Variants in TAFA1 observed in about 807,000 individuals in gnomAD.
TAFA1 encodes TAFA chemokine like family member 1.
A neutral mutation model predicts 18.5 loss-of-function variants in TAFA1; 4 were observed. The ratio of observed to expected loss-of-function variants is 0.22; its 90% confidence interval spans 0.11 to 0.49. The LOEUF (loss-of-function observed/expected upper bound fraction) is 0.49. Among genes scored for constraint, TAFA1 ranks in the 20% least tolerant of loss-of-function variants. TAFA1 has a pLI of 0.98. For synonymous variants in TAFA1, 56 were observed against 55.2 expected (o/e 1.01, Z -0.06); for missense variants, 147 against 169.0 (o/e 0.87, Z 0.72).
At chr3:68,499,343 C>T (rs2072613229) in intron 3 of TAFA1, among the ~76,000 whole-genome samples, 1 of 151,258 alleles carries the variant, frequency 6.6e-6, no homozygotes, top group South Asian at 2.1e-4. Context: ...GCAGACTGAA[C>T]CAAACCTTGA....
chr3:68,398,497 G>A (rs771413180), intron 2 of TAFA1, among the ~76,000 whole-genome samples: 1 of 152,104 alleles, frequency 6.6e-6, no homozygotes. Flanking sequence ...CACAAATACT[G>A]TCTGGAGCTA....
At position 68,367,360 on chromosome 3, in the gene TAFA1, T is replaced by C. The variant is rs574703893; in HGVS notation, c.119-49920T>C. Among the ~76,000 whole-genome samples, 44 of 152,302 alleles carry C rather than the reference T, an allele frequency of 2.9e-4. No homozygotes were observed. In the South Asian group the frequency reaches 8.9e-3, roughly 31 times the overall value. ...TGCCTTATAAAATGTGAAAGATCTC[T>C]TTAGGCTTTAATAATCTTGCAGTGG... On this transcript the variant is annotated intron_variant, in intron 2 of 4. Coordinates refer to ENST00000478136, the MANE Select transcript of TAFA1 (RefSeq NM_213609.4).
chr3:68,353,939 A>T (rs1355791281), intron 2 of TAFA1, among the ~76,000 whole-genome samples: 1 of 151,968 alleles, frequency 6.6e-6, no homozygotes, highest in African/African-American at 2.4e-5. Context: ...ACTTTAAGCA[A>T]ATTGTTTTTG....
At chr3:68,051,833 G>T in intron 2 of TAFA1, among the ~76,000 whole-genome samples, 1 of 151,950 alleles carries the variant, frequency 6.6e-6, no homozygotes, top group East Asian at 1.9e-4. Flanking sequence ...AATACACCAG[G>T]TAGCTAGCTG....
chr3:68,379,921 C>G (rs1175094429), intron 2 of TAFA1, among the ~76,000 whole-genome samples: 1 of 151,916 alleles, frequency 6.6e-6, no homozygotes, highest in African/African-American at 2.4e-5. Context: ...TCCCCTTCCC[C>G]CCACCCCACA....
intron 2 of TAFA1, among the ~76,000 whole-genome samples, chr3:68,208,168 G>A (rs1378969640): frequency 6.6e-6 from 1 of 151,858 alleles, no homozygotes; most frequent in African/African-American, 2.4e-5. Flanking sequence ...ATGGACGTTT[G>A]GAAGCTATTC....
chr3:68,509,576 T>C (rs1331640608), intron 3 of TAFA1, among the ~76,000 whole-genome samples: 1 of 152,118 alleles, frequency 6.6e-6, no homozygotes, highest in East Asian at 1.9e-4. Flanking sequence ...CAAGGACTAG[T>C]AGAAGCCATG....
intron 2 of TAFA1, among the ~76,000 whole-genome samples, chr3:68,161,612 T>A (rs2065925636): frequency 6.6e-6 from 1 of 152,208 alleles, no homozygotes; most frequent in Non-Finnish European, 1.5e-5. Flanking sequence ...ATCTTTAAGG[T>A]AGGCAGGATA....
chr3:68,122,467 A>G (rs1302297367), intron 2 of TAFA1, among the ~76,000 whole-genome samples: 10 of 152,218 alleles, frequency 6.6e-5, no homozygotes, highest in Non-Finnish European at 1.5e-5. Context: ...ATCGCAAATG[A>G]AGACAATAGA....
At chr3:68,150,935 C>T (rs531681823) in intron 2 of TAFA1, among the ~76,000 whole-genome samples, 10 of 152,090 alleles carry the variant, frequency 6.6e-5, no homozygotes, top group Non-Finnish European at 1.2e-4. Flanking sequence ...TTTGTTGAGT[C>T]CTCAACACAA....
At chr3:68,157,144 C>T (rs1307252665) in intron 2 of TAFA1, among the ~76,000 whole-genome samples, 1 of 152,134 alleles carries the variant, frequency 6.6e-6, no homozygotes, top group Non-Finnish European at 1.5e-5. Context: ...GCTGGGAAAG[C>T]TATTATTATT....
intron 2 of TAFA1, among the ~76,000 whole-genome samples, chr3:68,315,926 C>A (rs919861861): frequency 3.3e-5 from 5 of 152,128 alleles, no homozygotes; most frequent in Non-Finnish European, 7.3e-5. Context: ...CGATGAAATT[C>A]ACCTGAGGTC....
At chr3:68,427,050 G>A (rs992130057) in intron 3 of TAFA1, among the ~76,000 whole-genome samples, 38 of 151,980 alleles carry the variant, frequency 2.5e-4, no homozygotes, top group African/African-American at 9.2e-4. Flanking sequence ...TGTATGTCAT[G>A]TGTGTGAGAG....
intron 2 of TAFA1, among the ~76,000 whole-genome samples, chr3:68,308,625 G>A (rs2068462160): frequency 6.6e-6 from 1 of 152,112 alleles, no homozygotes; most frequent in Non-Finnish European, 1.5e-5. Context: ...CAACAATAAT[G>A]AGGTTGTTTT....
intron 2 of TAFA1, among the ~76,000 whole-genome samples, chr3:68,334,891 T>A (rs1408414671): frequency 6.6e-6 from 1 of 152,280 alleles, no homozygotes; most frequent in East Asian, 1.9e-4. Context: ...AATACTTGAC[T>A]CCAAGGTGTC....
At chr3:68,482,248 C>T (rs2072251948) in intron 3 of TAFA1, among the ~76,000 whole-genome samples, 1 of 152,164 alleles carries the variant, frequency 6.6e-6, no homozygotes, top group South Asian at 2.1e-4. Context: ...ACCTCGTGAT[C>T]CGCCCGCCTC....
intron 2 of TAFA1, among the ~76,000 whole-genome samples, chr3:68,041,869 A>G (rs1194046472): frequency 6.6e-6 from 1 of 152,028 alleles, no homozygotes; most frequent in Non-Finnish European, 1.5e-5. Flanking sequence ...ACAATTCTTT[A>G]TTTCCTATCT....
At chr3:68,019,045 C>T (rs1441593744) in intron 2 of TAFA1, among the ~76,000 whole-genome samples, 1 of 152,204 alleles carries the variant, frequency 6.6e-6, no homozygotes, top group African/African-American at 2.4e-5. Flanking sequence ...TAACAATTCT[C>T]AGTCAGGTTT....
At chr3:68,539,667 G>C (rs1169541684) in intron 4 of TAFA1, among the ~76,000 whole-genome samples, 2 of 17,980 alleles carry the variant, frequency 1.1e-4, no homozygotes, top group African/African-American at 3.4e-4. Context: ...GTCTCTCTCT[G>C]TGTGTGTGTG....
Sources: allele counts gnomAD v4.1 joint callset (sites outside exome capture counted in the v4.1 genomes callset), GRCh38; gene constraint gnomAD v4.1.1; transcripts MANE v1.5; gene names NCBI Gene and HGNC (gene_info 2026-07-23, HGNC 2026-07-21).